PCID2: variants seen among roughly 807,000 people sequenced by gnomAD.
The protein encoded by PCID2 is PCI domain containing 2, also known as PCI domain-containing protein 2.
In PCID2, 41 loss-of-function variants were observed where a neutral mutation model predicts 61.3. The ratio of observed to expected loss-of-function variants is 0.67; its 90% CI spans 0.52 to 0.87. PCID2 has a LOEUF of 0.87. PCID2 is among the 40% of genes least tolerant of loss of function. The probability of loss-of-function intolerance (pLI) is 0.00; values close to 1 mark genes in which losing one functional copy is unlikely to be tolerated. For missense variants in PCID2, 392 were observed against 493.4 expected (o/e 0.79, Z 1.95); for synonymous variants, 187 against 177.8 (o/e 1.05, Z -0.41).
intron 2 of PCID2, among the ~76,000 whole-genome samples, chr13:113,199,401 C>A (rs149124335): frequency 6.6e-6 from 1 of 152,304 alleles, no homozygotes; most frequent in Admixed American, 6.5e-5. Flanking sequence ...GACTAACACA[C>A]AATGGATTAT....
intron 6 of PCID2, among the ~76,000 whole-genome samples, chr13:113,194,631 C>T (rs2038871154): frequency 6.6e-6 from 1 of 152,206 alleles, no homozygotes; most frequent in South Asian, 2.1e-4. Flanking sequence ...CCGTGGGTCC[C>T]CATGGGGACG....
At chr13:113,207,027 T>C (rs1595296609) in intron 1 of PCID2, among the ~76,000 whole-genome samples, 1 of 152,240 alleles carries the variant, frequency 6.6e-6, no homozygotes, top group African/African-American at 2.4e-5. Context: ...TTTAACTGAC[T>C]TGAATTGGAA....
Position 113,200,502 on chromosome 13 carries a change from G to A in PCID2, c.51C>T (p.Ile17=), listed in dbSNP as rs373967872. The change falls in exon 2 of 14, where the codon ATC becomes ATT. Residue 17 remains isoleucine (I), a synonymous_variant. Coordinates refer to ENST00000337344, the MANE Select transcript of PCID2 (RefSeq NM_001127202.4). ...CACAAGATGCTCCATCTCTGCTGTCGATGGCTTCGTACACCTGAAACATTT... is the reference window on the plus strand; with the variant it reads ...CACAAGATGCTCCATCTCTGCTGTCAATGGCTTCGTACACCTGAAACATTT... ...NQYLQQVYEA[I]DSRDGASCAE... 1.1e-5 allele frequency: 17 copies of A among 1,611,048 alleles called. No individual in the cohort carries two copies. The South Asian group carries it at 1.1e-4, about 10-fold the overall frequency.
chr13:113,184,570 A>C, intron 8 of PCID2, 83 bp from the exon 9 acceptor site: 1 of 768,406 alleles, frequency 1.3e-6, no homozygotes, highest in Non-Finnish European at 2.2e-6. Flanking sequence ...TGTCTCCTTA[A>C]AATGCAAATT....
downstream of PCID2, among the ~76,000 whole-genome samples, chr13:113,176,912 G>A (rs903501262): frequency 1.3e-5 from 2 of 152,204 alleles, no homozygotes; most frequent in African/African-American, 4.8e-5. Flanking sequence ...CCAGCCTCTA[G>A]AACTGTGAGG....
intron 5 of PCID2, 89 bp downstream of exon 5, chr13:113,196,092 C>A: frequency 2.2e-6 from 2 of 918,438 alleles, no homozygotes; most frequent in South Asian, 1.3e-5. Flanking sequence ...ATGGAAAATA[C>A]AATACACATT....
intron 1 of PCID2, chr13:113,208,385 G>A (rs2040107338): frequency 5.6e-6 from 8 of 1,439,152 alleles, no homozygotes; most frequent in East Asian, 2.5e-5. Context: ...GACACCGCCC[G>A]GCCCCCACGG....
At chr13:113,199,768 T>C (rs1436136611) in intron 2 of PCID2, among the ~76,000 whole-genome samples, 1 of 152,148 alleles carries the variant, frequency 6.6e-6, no homozygotes, top group Non-Finnish European at 1.5e-5. Flanking sequence ...GTAACTTTAT[T>C]AGAAAAACAA....
At chr13:113,208,196 C>T in intron 1 of PCID2, 2 of 1,556,080 alleles carry the variant, frequency 1.3e-6, no homozygotes, top group South Asian at 2.3e-5. Flanking sequence ...TCCCCGAATT[C>T]ATCCCGCATC....
chr13:113,185,788 T>C, intron 7 of PCID2: 1 of 418,324 alleles, frequency 2.4e-6, no homozygotes, highest in Non-Finnish European at 4.2e-6. Context: ...ACCAGGAAAA[T>C]CCCAATTAAC....
chr13:113,195,533 C>G (rs1429488624), intron 5 of PCID2, among the ~76,000 whole-genome samples: 1 of 152,168 alleles, frequency 6.6e-6, no homozygotes, highest in African/African-American at 2.4e-5. Context: ...TTACAGCCAA[C>G]TGGCAAAACT....
At position 113,208,654 on chromosome 13, in the gene PCID2, G is replaced by C; in HGVS notation, c.-20C>G. ...CGCCATGGGAGCGCCGCCGAACGGA[G>C]AGCGCCACCCCCTACGCCTCAAGCG... On this transcript the variant is annotated 5_prime_UTR_variant, in exon 1 of 14. Transcript: ENST00000337344. 1.2e-6 allele frequency: 2 copies of C among 1,604,148 alleles called. No individual in the cohort carries two copies. Among genetic ancestry groups the C allele is most frequent in the Non-Finnish European group, 1.7e-6 (2 of 1,176,182 alleles).
intron 5 of PCID2, among the ~76,000 whole-genome samples, chr13:113,195,642 C>T (rs1211114988): frequency 2.7e-5 from 4 of 150,314 alleles, no homozygotes; most frequent in African/African-American, 4.9e-5. Flanking sequence ...ACTCCAGCCT[C>T]GGCGACTGAG....
the PCID2 span, chr13:113,166,485 T>C: frequency 6.6e-6 from 1 of 152,250 alleles, no homozygotes; most frequent in East Asian, 1.9e-4. Context: ...ACCCGACTCT[T>C]ACAAGACAGC....
intron 10 of PCID2, 78 bp from the exon 11 acceptor site, chr13:113,180,309 T>C: frequency 1.8e-6 from 2 of 1,127,072 alleles, no homozygotes; most frequent in Non-Finnish European, 2.7e-6. Flanking sequence ...TATCAAGGAA[T>C]TAAGTTTTAA....
intron 7 of PCID2, 24 bp downstream of exon 7, chr13:113,190,848 G>A: frequency 6.9e-7 from 1 of 1,454,450 alleles, no homozygotes; most frequent in Non-Finnish European, 9.6e-7. Context: ...GCGTCTGGTG[G>A]TCGGTCCTCA....
the PCID2 span, chr13:113,166,465 C>T: frequency 5.9e-5 from 9 of 152,174 alleles, no homozygotes; most frequent in South Asian, 8.3e-4. Context: ...GTGTGACACC[C>T]GTCAGTTTCA....
intron 8 of PCID2, 43 bp downstream of exon 8, chr13:113,185,442 A>T: frequency 7.1e-7 from 1 of 1,403,300 alleles, no homozygotes; most frequent in Non-Finnish European, 1.0e-6. Context: ...GCCCAGGACA[A>T]TCGAAAATTG....
chr13:113,193,119 T>C (rs1282832619), intron 6 of PCID2, among the ~76,000 whole-genome samples: 1 of 152,170 alleles, frequency 6.6e-6, no homozygotes, highest in African/African-American at 2.4e-5. Context: ...CAACCCAGTT[T>C]ATAGTATTTT....
Sources: gnomAD v4.1 joint callset for allele counts (sites outside exome capture counted in the v4.1 genomes callset) on GRCh38, gnomAD v4.1.1 for gene constraint, MANE v1.5 for transcripts, NCBI Gene and HGNC (gene_info 2026-07-23, HGNC 2026-07-21) for gene names.